The following PCDH7 variants were observed in gnomAD, a reference collection of about 807,000 sequenced individuals.
The protein encoded by PCDH7 is protocadherin 7.
In PCDH7, 17 loss-of-function variants were observed where a neutral mutation model predicts 58.9. That is an observed-to-expected ratio of 0.29 (90% confidence interval 0.20 to 0.43). The LOEUF is 0.43. Among genes scored for constraint, PCDH7 ranks in the 20% least tolerant of loss-of-function variants. The probability of loss-of-function intolerance (pLI) is 1.00; values close to 1 mark genes in which losing one functional copy is unlikely to be tolerated. For missense variants in PCDH7, 1,274 were observed against 1,441.0 expected (o/e 0.88, Z 1.88); for synonymous variants, 664 against 616.4 (o/e 1.08, Z -1.14).
chr4:30,861,786 A>G (rs16884201), intron 1 of PCDH7, among the ~76,000 whole-genome samples: 15,957 of 152,106 alleles, frequency 0.1, 1,338 homozygotes, highest in East Asian at 0.26. Context: ...TGTAGTTGGT[A>G]TATGTTCAAT....
intron 1 of PCDH7, among the ~76,000 whole-genome samples, chr4:30,906,290 A>C (rs1740913947): frequency 1.3e-5 from 2 of 152,188 alleles, no homozygotes; most frequent in African/African-American, 4.8e-5. Context: ...AACTGAAAAG[A>C]ATAGTAAATA....
intron 1 of PCDH7, among the ~76,000 whole-genome samples, chr4:30,838,110 C>T (rs1730742601): frequency 6.6e-6 from 1 of 151,784 alleles, no homozygotes. Flanking sequence ...CTCCATATGG[C>T]CTATTTTCCA....
intron 3 of PCDH7, among the ~76,000 whole-genome samples, chr4:31,036,319 G>T (rs6843328): frequency 0.62 from 93,898 of 151,502 alleles, 31,741 homozygotes; most frequent in African/African-American, 0.9. Context: ...CTCAGTAGCG[G>T]GGATTACAGG....
chr4:30,892,323 T>C (rs1738723454), intron 1 of PCDH7, among the ~76,000 whole-genome samples: 1 of 152,068 alleles, frequency 6.6e-6, no homozygotes, highest in South Asian at 2.1e-4. Context: ...AGAAAGTTGT[T>C]AGAATTTATA....
intron 3 of PCDH7, among the ~76,000 whole-genome samples, chr4:31,127,116 T>C (rs1424912437): frequency 6.6e-6 from 1 of 152,184 alleles, no homozygotes; most frequent in Non-Finnish European, 1.5e-5. Flanking sequence ...ATAAAGAGCA[T>C]GTGTGGCAGA....
At chr4:30,725,016 T>C (rs1227216782) in intron 1 of PCDH7, 10 of 1,010,068 alleles carry the variant, frequency 9.9e-6, no homozygotes, top group Non-Finnish European at 1.2e-5. Context: ...ACTACTGGTG[T>C]CTATGCAAAT....
chr4:30,825,285 G>A (rs1728954048), intron 1 of PCDH7, among the ~76,000 whole-genome samples: 1 of 152,084 alleles, frequency 6.6e-6, no homozygotes, highest in South Asian at 2.1e-4. Context: ...TCTGTGATAT[G>A]AACCATAAGA....
chr4:31,028,740 A>G (rs1170741017), intron 3 of PCDH7, among the ~76,000 whole-genome samples: 1 of 152,200 alleles, frequency 6.6e-6, no homozygotes, highest in East Asian at 1.9e-4. Flanking sequence ...TACATGAGCT[A>G]CAGTTCTTCA....
rs1431112102 is a variant in PCDH7, at chr4:30,743,079, G to A, written c.70+18483G>A. ...TTTGGTTATTGATTAATATAATATC[G>A]ATTACATGTTATTGTAAATAAACTA... is the stretch of plus-strand genomic sequence containing the variant. On this transcript the variant is annotated intron_variant, in intron 1 of 3. Transcript: ENST00000509759. 3.9e-5 allele frequency among the ~76,000 whole-genome samples: 6 copies of A among 151,992 alleles called. No homozygotes were observed. In the East Asian group the frequency reaches 9.6e-4, roughly 24 times the overall value.
chr4:31,046,411 T>A (rs921582027), intron 3 of PCDH7, among the ~76,000 whole-genome samples: 1 of 151,974 alleles, frequency 6.6e-6, no homozygotes, highest in Non-Finnish European at 1.5e-5. Flanking sequence ...ATTATATGAG[T>A]TATATATGTA....
chr4:31,045,984 A>G (rs1756252528), intron 3 of PCDH7, among the ~76,000 whole-genome samples: 1 of 152,004 alleles, frequency 6.6e-6, no homozygotes, highest in Non-Finnish European at 1.5e-5. Context: ...ATGCTGTGCA[A>G]TACTTGAAGA....
chr4:31,028,844 A>G (rs1754661370), intron 3 of PCDH7, among the ~76,000 whole-genome samples: 1 of 152,194 alleles, frequency 6.6e-6, no homozygotes, highest in South Asian at 2.1e-4. Flanking sequence ...TTGGGAGATA[A>G]TATATTTATG....
intron 3 of PCDH7, among the ~76,000 whole-genome samples, chr4:31,049,123 A>ACC (rs1756535865): frequency 2.6e-5 from 4 of 152,166 alleles, no homozygotes; most frequent in South Asian, 2.1e-4. Flanking sequence ...AACGTTAGGT[A>ACC]TATCTCCTAA....
At chr4:31,003,597 T>A (rs1389205096) in intron 3 of PCDH7, among the ~76,000 whole-genome samples, 2 of 152,066 alleles carry the variant, frequency 1.3e-5, no homozygotes, top group Non-Finnish European at 2.9e-5. Flanking sequence ...TTGACCACTA[T>A]GTCGGCGCTC....
At chr4:30,724,925 A>C (rs1412716376) in intron 1 of PCDH7, 7 of 1,086,506 alleles carry the variant, frequency 6.4e-6, no homozygotes, top group Non-Finnish European at 6.8e-6. Context: ...TATTACTTAG[A>C]TGGTTAGTTT....
intron 3 of PCDH7, among the ~76,000 whole-genome samples, chr4:31,068,455 T>C (rs1243617667): frequency 6.6e-6 from 1 of 152,034 alleles, no homozygotes; most frequent in East Asian, 1.9e-4. Context: ...TGTATTAGGC[T>C]TGTAGACTCC....
chr4:31,061,064 T>G (rs1257787886), intron 3 of PCDH7, among the ~76,000 whole-genome samples: 4 of 151,702 alleles, frequency 2.6e-5, no homozygotes, highest in African/African-American at 9.7e-5. Context: ...CAAACTTCTC[T>G]TAGAAAGTGC....
At chr4:30,774,377 T>C (rs568544400) in intron 1 of PCDH7, among the ~76,000 whole-genome samples, 10 of 152,310 alleles carry the variant, frequency 6.6e-5, no homozygotes, top group East Asian at 3.9e-4. Flanking sequence ...TACTAAATAA[T>C]AAGTTTTTAT....
At chr4:30,776,679 G>T (rs867517388) in intron 1 of PCDH7, among the ~76,000 whole-genome samples, 6 of 152,066 alleles carry the variant, frequency 3.9e-5, no homozygotes, top group Non-Finnish European at 8.8e-5. Flanking sequence ...CACGAGTTGG[G>T]GAGACTATCA....
Sources: gnomAD v4.1 joint callset for allele counts (sites outside exome capture counted in the v4.1 genomes callset) on GRCh38, gnomAD v4.1.1 for gene constraint, MANE v1.5 for transcripts, NCBI Gene and HGNC (gene_info 2026-07-23, HGNC 2026-07-21) for gene names.